ALOXE3: variants seen among roughly 807,000 people sequenced by gnomAD.
The protein encoded by ALOXE3 is hydroperoxide isomerase ALOXE3.
A neutral mutation model predicts 87.5 loss-of-function variants in ALOXE3; 78 were observed. The ratio of observed to expected loss-of-function variants is 0.89; its 90% CI spans 0.74 to 1.08. The LOEUF (loss-of-function observed/expected upper bound fraction) is 1.08. ALOXE3 is among the 50% of genes least tolerant of loss of function. The pLI, the probability that ALOXE3 is intolerant of heterozygous loss-of-function variation, is 0.00. For missense variants in ALOXE3, 946 were observed against 912.4 expected, an observed-to-expected ratio of 1.04 and a Z score of -0.47; for synonymous variants, 363 against 370.8, an observed-to-expected ratio of 0.98 and a Z score of 0.24.
At chr17:8,118,693 G>C (rs1225917231), upstream of ALOXE3, 9 of 1,537,170 alleles carry the variant, frequency 5.9e-6, no homozygotes, top group East Asian at 2.4e-5. Context: ...TGGCACGCCC[G>C]ACCTCATTCT....
In ALOXE3 at chr17:8,118,266, C is replaced by A. The variant is rs1316438830; in HGVS notation, c.-276G>T. The A allele has an allele frequency of 4.5e-6, 7 of 1,551,748 alleles. No individual in the cohort carries two copies. Among genetic ancestry groups the A allele is most frequent in the Non-Finnish European group, 4.4e-6 (5 of 1,147,010 alleles). ...CCTCTGACACAGCCGGTCCCTCTGGCTGGCTCACCCAGATGGATATCAGGA... is the reference window on the plus strand; with the variant it reads ...CCTCTGACACAGCCGGTCCCTCTGGATGGCTCACCCAGATGGATATCAGGA... On this transcript the variant is annotated 5_prime_UTR_variant, in exon 2 of 16. Transcript: ENST00000448843.
At chr17:8,115,929 C>A (rs545334915) in intron 3 of ALOXE3, among the ~76,000 whole-genome samples, 17 of 152,364 alleles carry the variant, frequency 1.1e-4, no homozygotes, top group Admixed American at 3.9e-4. Flanking sequence ...AGACTATAAA[C>A]TCCCTGAGGG....
intron 4 of ALOXE3, 88 bp downstream of exon 4, chr17:8,115,519 T>C (rs1980507658): frequency 6.5e-6 from 9 of 1,389,086 alleles, no homozygotes; most frequent in South Asian, 2.4e-5. Context: ...CACCCAAGGT[T>C]GAGAATGAGG....
chr17:8,106,504 A>T (rs1979321370), intron 13 of ALOXE3, among the ~76,000 whole-genome samples: 1 of 152,070 alleles, frequency 6.6e-6, no homozygotes, highest in Non-Finnish European at 1.5e-5. Flanking sequence ...ACAGAGCAAG[A>T]CCCTGTCTCA....
intron 5 of ALOXE3, 64 bp downstream of exon 5, chr17:8,114,874 C>T: frequency 6.2e-7 from 1 of 1,608,906 alleles, no homozygotes; most frequent in Non-Finnish European, 8.5e-7. Flanking sequence ...TATCAGGACC[C>T]CATCCTCCCG....
chr17:8,117,017 G>C, intron 2 of ALOXE3, 37 bp from the exon 3 acceptor site: 1 of 1,597,762 alleles, frequency 6.3e-7, no homozygotes, highest in Non-Finnish European at 8.5e-7. Context: ...TGAGAGGCGG[G>C]GAACTGCCAA....
Position 8,117,981 on chromosome 17 carries a change from A to G in ALOXE3, c.10T>C (p.Tyr4His), listed in dbSNP as rs1289021291. The change falls in exon 2 of 16, where the codon TAC (tyrosine) becomes CAC (histidine). Residue 4 changes from tyrosine (Y) to histidine (H), a missense_variant. Transcript: ENST00000448843. MAV[Y>H]RLCVTTGPYL... is the part of the protein sequence containing the mutation. ...GGACCAGTGGTCACACACAGGCGGT[A>G]CACTGCCATGATGGGAAGGAGGAAG... The G allele has an allele frequency of 6.2e-7, 1 of 1,611,414 alleles. No individual in the cohort carries two copies. The highest frequency in any genetic ancestry group is 1.3e-5 in the African/African-American group (1 of 75,020).
chr17:8,108,150 CAG>C (rs1210977781), intron 13 of ALOXE3, among the ~76,000 whole-genome samples: 1 of 152,046 alleles, frequency 6.6e-6, no homozygotes, highest in Non-Finnish European at 1.5e-5. Flanking sequence ...CCTCTGAAGT[CAG>C]AGATGGCTCC....
At position 8,111,482 on chromosome 17, in the gene ALOXE3, G is replaced by T. The variant is rs765682032; in HGVS notation, c.834C>A (p.Tyr278Ter). 2 of 1,614,168 alleles carry T rather than the reference G, an allele frequency of 1.2e-6. No individual in the cohort carries two copies. The highest frequency in any genetic ancestry group is 1.1e-5 in the South Asian group (1 of 91,086). The change falls in exon 8 of 16, where the codon TAC (tyrosine) becomes TAA (stop). Residue 278 changes from tyrosine (Y) to a stop codon, truncating the protein, a stop_gained. Coordinates refer to ENST00000448843, the MANE Select transcript of ALOXE3 (RefSeq NM_021628.3). LOFTEE classifies it high-confidence loss of function. ...GCATGACGGGATTGACACCATTCAG[G>T]TACTGGTACCCAAAGAAGTGATCTT... is the stretch of plus-strand genomic sequence containing the variant. ...WCEDHFFGYQ[Y>*]LNGVNPVMLH... is the part of the protein sequence containing the mutation.
At chr17:8,114,701 C>T in intron 5 of ALOXE3, 92 bp from the exon 6 acceptor site, 1 of 1,579,682 alleles carries the variant, frequency 6.3e-7, no homozygotes. Context: ...CCTTCCAAGT[C>T]CCTGGGTCTC....
Position 8,116,797 on chromosome 17 carries a change from C to A in ALOXE3, c.331G>T (p.Val111Leu), listed in dbSNP as rs780839083. The A allele has an allele frequency of 4.3e-6, 7 of 1,614,098 alleles. No homozygotes were observed. The highest frequency in any genetic ancestry group is 5.9e-6 in the Non-Finnish European group (7 of 1,180,040). ...CYQWIEGYCT[V>L]ELRPGTARTI... ...CCACCTGTTCCTGGCCTCAGCTCCACGGTGCAGTAGCCTTCAATCCACTGA... is the reference window on the plus strand; with the variant it reads ...CCACCTGTTCCTGGCCTCAGCTCCAAGGTGCAGTAGCCTTCAATCCACTGA... Residue 111 changes from valine (V) to leucine (L), a missense_variant, in exon 3 of 16, where the codon GTG (valine) becomes TTG (leucine). Transcript: ENST00000448843.
chr17:8,110,603 C>T, intron 8 of ALOXE3, 75 bp from the exon 9 acceptor site: 2 of 1,603,132 alleles, frequency 1.2e-6, no homozygotes, highest in Non-Finnish European at 1.7e-6. Flanking sequence ...CTGCCCACTT[C>T]CACCCCAGAG....
intron 4 of ALOXE3, 46 bp downstream of exon 4, chr17:8,115,561 G>A (rs1157871478): frequency 3.9e-6 from 6 of 1,543,402 alleles, no homozygotes; most frequent in Admixed American, 3.3e-5. Flanking sequence ...TTAAGACTGA[G>A]GTCAGGATAA....
At chr17:8,111,997 G>A in intron 7 of ALOXE3, 96 bp downstream of exon 7, 1 of 1,124,174 alleles carries the variant, frequency 8.9e-7, no homozygotes, top group African/African-American at 1.5e-5. Context: ...GTCTCCCTGG[G>A]AGGGCTGGGA....
chr17:8,098,239 T>TG (rs1263429844), intron 15 of ALOXE3, among the ~76,000 whole-genome samples: 1 of 129,948 alleles, frequency 7.7e-6, no homozygotes, highest in African/African-American at 3.2e-5. Flanking sequence ...TTTTTGTTTT[T>TG]TTTTTTTTTT....
chr17:8,114,811 C>T, intron 5 of ALOXE3, 127 bp downstream of exon 5: 5 of 1,506,430 alleles, frequency 3.3e-6, no homozygotes, highest in Non-Finnish European at 4.6e-6. Flanking sequence ...ATCTCCCATC[C>T]TGATGCTTGA....
chr17:8,102,661 A>G (rs1691909286), intron 15 of ALOXE3, among the ~76,000 whole-genome samples: 1 of 152,182 alleles, frequency 6.6e-6, no homozygotes, highest in African/African-American at 2.4e-5. Flanking sequence ...TCCCTAAAAA[A>G]GAGCCCTGCT....
At chr17:8,110,059 T>C in intron 10 of ALOXE3, 33 bp downstream of exon 10, 1 of 1,590,610 alleles carries the variant, frequency 6.3e-7, no homozygotes, top group South Asian at 1.1e-5. Flanking sequence ...GCCCGGCCCC[T>C]GCCCCGCTGG....
upstream of ALOXE3, chr17:8,118,657 G>A: frequency 6.5e-7 from 1 of 1,537,190 alleles, no homozygotes; most frequent in Non-Finnish European, 8.7e-7. Flanking sequence ...ATCCCCCCAC[G>A]CATGGCCCTC....
Sources: gnomAD v4.1 joint callset for allele counts (sites outside exome capture counted in the v4.1 genomes callset) on GRCh38, gnomAD v4.1.1 for gene constraint, MANE v1.5 for transcripts, NCBI Gene and HGNC (gene_info 2026-07-23, HGNC 2026-07-21) for gene names.